The following QRICH2 variants were observed in gnomAD, a reference collection of about 807,000 sequenced individuals.
The protein encoded by QRICH2 is glutamine-rich protein 2.
In QRICH2, 119 loss-of-function variants were observed where a neutral mutation model predicts 168.3. That is an observed-to-expected ratio of 0.71 (90% CI 0.61 to 0.82). The LOEUF is 0.82. QRICH2 is among the 40% of genes least tolerant of loss of function. QRICH2 has a pLI of 0.00. For missense variants in QRICH2, 2,241 were observed against 2,491.6 expected, an observed-to-expected ratio of 0.90 and a Z score of 2.14; for synonymous variants, 894 against 951.2, an observed-to-expected ratio of 0.94 and a Z score of 1.11.
At chr17:76,286,035 C>T (rs752203910) in intron 7 of QRICH2, among the ~76,000 whole-genome samples, 12 of 151,830 alleles carry the variant, frequency 7.9e-5, no homozygotes, top group Admixed American at 3.3e-4. Context: ...ATTAGCCGGG[C>T]GTGGTGGCAG....
chr17:76,308,140 A>G lies in QRICH2; in HGVS notation c.-142T>C, dbSNP rs1453245055. On this transcript the variant is annotated 5_prime_UTR_variant, in exon 1 of 19. Coordinates refer to ENST00000680821, the MANE Select transcript of QRICH2 (RefSeq NM_001388453.1). ...CCCGGGTCCGGCCGAGTCACTGGACAGAGCTCCTGCCTCCAGGGAATCTGC... is the reference window on the plus strand; with the variant it reads ...CCCGGGTCCGGCCGAGTCACTGGACGGAGCTCCTGCCTCCAGGGAATCTGC... 5.0e-6 allele frequency: 6 copies of G among 1,207,264 alleles called. No individual in the cohort carries two copies. In the African/African-American group the frequency reaches 5.1e-5, roughly 10 times the overall value. 74.8% of individuals were successfully genotyped at this position (1,207,264 alleles called of 1,614,324 possible).
rs370779519 is a variant in QRICH2, at chr17:76,301,703, A to ATTTTTTTTTTTT, written c.705+2700_705+2711dup. 3.5e-4 allele frequency among the ~76,000 whole-genome samples: 43 copies of ATTTTTTTTTTTT among 121,774 alleles called. 1 individual carries two copies. The highest frequency in any genetic ancestry group is 8.2e-4 in the South Asian group (3 of 3,670). 79.9% of individuals were successfully genotyped at this position (121,774 alleles called of 152,430 possible). On this transcript the variant is annotated intron_variant, in intron 3 of 18. Transcript: ENST00000680821. ...ATCTTAGAGTTGGTGGTGTTTTATA[A>ATTTTTTTTTTTT]TTTTTTTTTTTTTTTTTGAGACAGG...
intron 15 of QRICH2, among the ~76,000 whole-genome samples, 167 bp downstream of exon 15, chr17:76,277,820 TAC>T (rs932748990): frequency 1.3e-5 from 2 of 151,848 alleles, no homozygotes; most frequent in African/African-American, 4.8e-5. Context: ...ACACATGGCT[TAC>T]ACACATCACA....
upstream of QRICH2, among the ~76,000 whole-genome samples, chr17:76,309,111 A>C (rs1201119328): frequency 6.9e-6 from 1 of 145,234 alleles, no homozygotes; most frequent in Non-Finnish European, 1.5e-5. Context: ...TAATCCCAGC[A>C]CTTTGGGAGG....
At chr17:76,283,368 G>A (rs1470988536) in intron 7 of QRICH2, among the ~76,000 whole-genome samples, 1 of 152,032 alleles carries the variant, frequency 6.6e-6, no homozygotes, top group Non-Finnish European at 1.5e-5. Context: ...TGGAAGTGGG[G>A]CCTCCAAAAA....
intron 16 of QRICH2, 104 bp downstream of exon 16, chr17:76,277,059 A>C (rs944331420): frequency 3.1e-6 from 4 of 1,274,646 alleles, no homozygotes; most frequent in East Asian, 2.5e-5. Flanking sequence ...GAATTGCCTC[A>C]AGGCAGAGGG....
intron 3 of QRICH2, among the ~76,000 whole-genome samples, chr17:76,297,075 G>A (rs1447294282): frequency 4.6e-5 from 7 of 152,180 alleles, no homozygotes. Flanking sequence ...CAGAAATGGA[G>A]AATAATCAGC....
Position 76,287,271 on chromosome 17 carries a change from T to C in QRICH2, c.3932A>G (p.Glu1311Gly). ...GCCCCTGTCTTGGCTCTCCCTCAAC[T>C]CGGCCAGCTCCTTTTCTATGTCAGC... is the stretch of plus-strand genomic sequence containing the variant. The part of the protein sequence containing the change: ...TVADIEKELA[E>G]LRESQDRGKA... The change falls in exon 7 of 19, where the codon GAG becomes GGG. Residue 1311 changes from glutamate (E) to glycine (G), a missense_variant. Coordinates refer to ENST00000680821, the MANE Select transcript of QRICH2 (RefSeq NM_001388453.1). 6.2e-7 allele frequency: 1 copy of C among 1,613,996 alleles called. No individual in the cohort carries two copies. The highest frequency in any genetic ancestry group is 1.3e-5 in the African/African-American group (1 of 74,982).
intron 7 of QRICH2, among the ~76,000 whole-genome samples, chr17:76,283,351 G>A (rs755726164): frequency 2.6e-5 from 4 of 152,100 alleles, no homozygotes; most frequent in South Asian, 4.1e-4. Context: ...GCTAAAGATG[G>A]GGCATGTGGA....
At chr17:76,305,287 C>T (rs2070974664) in intron 1 of QRICH2, among the ~76,000 whole-genome samples, 1 of 151,880 alleles carries the variant, frequency 6.6e-6, no homozygotes, top group Non-Finnish European at 1.5e-5. Flanking sequence ...CCTCAGCCTC[C>T]TGAGTAGCTG....
intron 3 of QRICH2, among the ~76,000 whole-genome samples, chr17:76,299,245 G>A (rs926622661): frequency 6.6e-6 from 1 of 152,098 alleles, no homozygotes; most frequent in Non-Finnish European, 1.5e-5. Context: ...GGGCTAGTGG[G>A]TTATCAAAAC....
intron 7 of QRICH2, among the ~76,000 whole-genome samples, chr17:76,286,416 T>G (rs1035625983): frequency 6.6e-6 from 1 of 152,198 alleles, no homozygotes; most frequent in Non-Finnish European, 1.5e-5. Flanking sequence ...TGTTGCATGA[T>G]TCCATTTATA....
intron 3 of QRICH2, among the ~76,000 whole-genome samples, chr17:76,297,849 G>A (rs1275636305): frequency 1.4e-5 from 2 of 144,882 alleles, no homozygotes; most frequent in East Asian, 4.0e-4. Context: ...CTCCCAAGTA[G>A]CTAGGACTAC....
Position 76,307,980 on chromosome 17 carries a change from C to A in QRICH2, c.19G>T (p.Val7Phe). MPPATTVSLRELADLSI... is the reference protein window; with the variant it reads MPPATTFSLRELADLSI... Reference sequence around the variant, plus strand: ...AGGTCCGCCAGCTCCCGGAGGGAGACCGTGGTCGCGGGCGGCATCGTGGCT... The same window carrying A: ...AGGTCCGCCAGCTCCCGGAGGGAGAACGTGGTCGCGGGCGGCATCGTGGCT... Residue 7 changes from valine (V) to phenylalanine (F), a missense_variant, in exon 1 of 19, where the codon GTC becomes TTC. Val to Phe is a conservative substitution (Grantham distance 50). Coordinates refer to ENST00000680821, the MANE Select transcript of QRICH2 (RefSeq NM_001388453.1). The surrounding 1 kb of genome is among the most constrained non-coding windows in gnomAD (Gnocchi z 5.3). The A allele has an allele frequency of 8.1e-7, 1 of 1,233,146 alleles. No individual in the cohort carries two copies. Among genetic ancestry groups the A allele is most frequent in the Non-Finnish European group, 1.0e-6 (1 of 988,450 alleles). The allele number at this position is 1,233,146 out of a possible 1,614,324, so 76.4% of individuals were successfully genotyped here.
At chr17:76,289,190 T>C (rs766034972) in intron 5 of QRICH2, among the ~76,000 whole-genome samples, 1 of 152,044 alleles carries the variant, frequency 6.6e-6, no homozygotes, top group African/African-American at 2.4e-5. Flanking sequence ...CATCAGTTTT[T>C]AAAAAAAATT....
At chr17:76,299,835 T>G (rs1025395288) in intron 3 of QRICH2, among the ~76,000 whole-genome samples, 2 of 151,786 alleles carry the variant, frequency 1.3e-5, no homozygotes, top group Admixed American at 6.6e-5. Flanking sequence ...GCCAAACCTT[T>G]TTTTTTTTTG....
At chr17:76,301,164 C>A (rs970400504) in intron 3 of QRICH2, among the ~76,000 whole-genome samples, 1 of 152,252 alleles carries the variant, frequency 6.6e-6, no homozygotes, top group African/African-American at 2.4e-5. Context: ...TTGCAGTAAG[C>A]CCTTATGGTA....
intron 6 of QRICH2, 38 bp from the exon 7 acceptor site, chr17:76,287,344 C>G (rs1165748358): frequency 6.8e-7 from 1 of 1,474,162 alleles, no homozygotes. Context: ...ACTCCACACT[C>G]AGGCCAGACC....
At chr17:76,308,815 G>A (rs961327145), upstream of QRICH2, among the ~76,000 whole-genome samples, 5 of 151,796 alleles carry the variant, frequency 3.3e-5, no homozygotes, top group African/African-American at 1.2e-4. Context: ...GCACGATCTC[G>A]GCTCACTGCA....
Sources: allele counts gnomAD v4.1 joint callset (sites outside exome capture counted in the v4.1 genomes callset), GRCh38; gene constraint gnomAD v4.1.1; non-coding constraint Gnocchi (gnomAD v3.1); transcripts MANE v1.5; gene names NCBI Gene and HGNC (gene_info 2026-07-23, HGNC 2026-07-21).